Variants in DCAF6 observed in about 807,000 individuals in gnomAD.
The protein encoded by DCAF6 is DDB1- and CUL4-associated factor 6.
A neutral mutation model predicts 125.1 loss-of-function variants in DCAF6; 54 were observed. The ratio of observed to expected loss-of-function variants is 0.43; its 90% CI spans 0.35 to 0.54. The LOEUF is 0.54. Among genes scored for constraint, DCAF6 ranks in the 20% least tolerant of loss-of-function variants. The pLI is 0.01. For synonymous variants in DCAF6, 371 were observed against 390.4 expected (o/e 0.95, Z 0.58); for missense variants, 934 against 1,161.7 (o/e 0.80, Z 2.85).
chr1:167,948,713 A>T (rs971023677), intron 1 of DCAF6, among the ~76,000 whole-genome samples: 1 of 152,112 alleles, frequency 6.6e-6, no homozygotes, highest in Non-Finnish European at 1.5e-5. Context: ...GTACAGTGGC[A>T]TGATCTCAGC....
At chr1:168,062,149 A>C (rs576987879) in intron 17 of DCAF6, among the ~76,000 whole-genome samples, 1 of 152,224 alleles carries the variant, frequency 6.6e-6, no homozygotes, top group Non-Finnish European at 1.5e-5. Flanking sequence ...GAAGCTAGAC[A>C]TAAAAAAAAT....
chr1:167,933,470 A>ATTTT (rs1387160555), upstream of DCAF6, among the ~76,000 whole-genome samples: 12 of 152,166 alleles, frequency 7.9e-5, no homozygotes. Context: ...CCTGGCTAAA[A>ATTTT]ACACATTCTT....
chr1:167,988,652 AC>A (rs1194842579), intron 5 of DCAF6, among the ~76,000 whole-genome samples: 1 of 151,962 alleles, frequency 6.6e-6, no homozygotes, highest in East Asian at 1.9e-4. Context: ...ACTGAAAGTT[AC>A]AAAAAAAAAA....
At chr1:168,059,510 A>T (rs994940661) in intron 17 of DCAF6, among the ~76,000 whole-genome samples, 1 of 152,120 alleles carries the variant, frequency 6.6e-6, no homozygotes, top group African/African-American at 2.4e-5. Flanking sequence ...CCTTTGGTTG[A>T]TTTTATAATC....
the DCAF6 span, among the ~76,000 whole-genome samples, chr1:167,901,388 T>C: frequency 6.6e-6 from 1 of 152,214 alleles, no homozygotes; most frequent in Non-Finnish European, 1.5e-5. Context: ...TCATAAAGAC[T>C]ATTTTATTGG....
upstream of DCAF6, among the ~76,000 whole-genome samples, chr1:167,934,149 T>C (rs1275477072): frequency 1.3e-5 from 2 of 152,178 alleles, no homozygotes; most frequent in East Asian, 1.9e-4. Flanking sequence ...TGAAAGGTAA[T>C]CCCTCTTCAT....
the DCAF6 span, among the ~76,000 whole-genome samples, chr1:167,876,052 T>C: frequency 6.6e-6 from 1 of 151,672 alleles, no homozygotes; most frequent in Admixed American, 6.6e-5. Context: ...AGGTCAGGAG[T>C]TTGAGACCAG....
At chr1:167,955,264 T>G (rs758904464) in intron 2 of DCAF6, among the ~76,000 whole-genome samples, 1 of 152,220 alleles carries the variant, frequency 6.6e-6, no homozygotes, top group Non-Finnish European at 1.5e-5. Flanking sequence ...TATGAACATA[T>G]GCTTTTATTC....
chr1:167,980,532 C>T (rs1678943997), intron 4 of DCAF6, among the ~76,000 whole-genome samples: 1 of 152,024 alleles, frequency 6.6e-6, no homozygotes, highest in Non-Finnish European at 1.5e-5. Context: ...TTTTATCTTA[C>T]TGTGGTTGTG....
At chr1:168,019,816 C>T (rs756984740) in intron 11 of DCAF6, 2 of 178,420 alleles carry the variant, frequency 1.1e-5, no homozygotes, top group East Asian at 1.5e-4. Context: ...AGCACTTACC[C>T]GATCCTGTGC....
the DCAF6 span, chr1:167,883,356 T>A: frequency 2.7e-6 from 4 of 1,496,842 alleles, no homozygotes; most frequent in Non-Finnish European, 3.7e-6. Flanking sequence ...AAATTTCCTG[T>A]GTCTATTCTC....
At chr1:168,029,878 G>C (rs1231015358) in intron 12 of DCAF6, among the ~76,000 whole-genome samples, 1 of 152,046 alleles carries the variant, frequency 6.6e-6, no homozygotes, top group Non-Finnish European at 1.5e-5. Flanking sequence ...TACTTGGGAG[G>C]CTGAGGTGGG....
At chr1:167,975,184 G>GT (rs1364467565) in intron 4 of DCAF6, among the ~76,000 whole-genome samples, 169 bp downstream of exon 4, 5 of 152,172 alleles carry the variant, frequency 3.3e-5, no homozygotes, top group Admixed American at 3.3e-4. Flanking sequence ...TTGAGAAAAT[G>GT]TATCTTGATA....
At chr1:167,938,493 A>G (rs1410302116) in intron 1 of DCAF6, among the ~76,000 whole-genome samples, 2 of 152,214 alleles carry the variant, frequency 1.3e-5, no homozygotes, top group Admixed American at 6.5e-5. Flanking sequence ...ACATCATTCT[A>G]CAAGCTTCTG....
At chr1:167,996,973 A>G (rs1043634973) in intron 7 of DCAF6, among the ~76,000 whole-genome samples, 9 of 151,860 alleles carry the variant, frequency 5.9e-5, no homozygotes, top group Admixed American at 2.6e-4. Flanking sequence ...GTAACTTTCT[A>G]TGTATATTTT....
chr1:168,069,763 A>T (rs1692801105), intron 21 of DCAF6, among the ~76,000 whole-genome samples: 1 of 152,214 alleles, frequency 6.6e-6, no homozygotes. Context: ...TAAACCTGGA[A>T]TGTAAACAAA....
intron 4 of DCAF6, among the ~76,000 whole-genome samples, chr1:167,976,938 T>C (rs1678325154): frequency 7.1e-6 from 1 of 141,414 alleles, no homozygotes; most frequent in African/African-American, 2.6e-5. Flanking sequence ...AGTTTCGCTC[T>C]TGTTGCCCAG....
intron 17 of DCAF6, among the ~76,000 whole-genome samples, chr1:168,053,965 T>G (rs1320600255): frequency 1.3e-5 from 2 of 152,080 alleles, no homozygotes; most frequent in East Asian, 3.9e-4. Context: ...CTTTATTTAC[T>G]AATACATTGT....
chr1:167,945,648 T>C (rs1233560932), intron 1 of DCAF6, among the ~76,000 whole-genome samples: 1 of 152,004 alleles, frequency 6.6e-6, no homozygotes, highest in Non-Finnish European at 1.5e-5. Flanking sequence ...CGCACCACTA[T>C]GCCCAGCTAA....
Sources: gnomAD v4.1 joint callset for allele counts (sites outside exome capture counted in the v4.1 genomes callset) on GRCh38, gnomAD v4.1.1 for gene constraint, MANE v1.5 for transcripts, NCBI Gene and HGNC (gene_info 2026-07-23, HGNC 2026-07-21) for gene names.